MTF2: variants seen among roughly 807,000 people sequenced by gnomAD.
The protein encoded by MTF2 is metal response element binding transcription factor 2, also known as metal-response element-binding transcription factor 2.
In MTF2, 11 loss-of-function variants were observed where a neutral mutation model predicts 79.5. The ratio of observed to expected loss-of-function variants is 0.14; its 90% CI spans 0.09 to 0.23. The LOEUF is 0.23. MTF2 is among the 10% of genes least tolerant of loss of function. The pLI, the probability that MTF2 is intolerant of heterozygous loss-of-function variation, is 1.00. For missense variants in MTF2, 486 were observed against 711.2 expected (o/e 0.68, Z 3.60); for synonymous variants, 208 against 232.8 (o/e 0.89, Z 0.97).
At chr1:93,090,987 C>T (rs759794866) in intron 1 of MTF2, among the ~76,000 whole-genome samples, 38 of 151,952 alleles carry the variant, frequency 2.5e-4, no homozygotes, top group Non-Finnish European at 5.1e-4. Flanking sequence ...TTAACAACTT[C>T]TCCATTTTTG....
Position 93,119,341 on chromosome 1 carries a change from C to T in MTF2, c.737C>T (p.Thr246Met), listed in dbSNP as rs368305569. The change falls in exon 8 of 15, where the codon ACG becomes ATG. Residue 246 changes from threonine to methionine, a missense_variant. This residue lies in a region of MTF2 where 177 missense variants were observed against 364.0 expected (regional missense o/e 0.49). Coordinates refer to ENST00000370298, the MANE Select transcript of MTF2 (RefSeq NM_007358.4). The stretch of plus-strand genomic sequence containing the variant: ...TTTTTTTTTTTTCTTAGATTTTATA[C>T]GTTTATATGCTCTGTCTGCAGTTCT... Reference protein sequence around the residue: ...KPMLFGDRFYTFICSVCSSGP... With the variant: ...KPMLFGDRFYMFICSVCSSGP... 8.7e-5 allele frequency: 133 copies of T among 1,537,090 alleles called. No homozygotes were observed. The highest frequency in any genetic ancestry group is 1.9e-4 in the Middle Eastern group (1 of 5,384).
chr1:93,136,232 A>G (rs556816539), intron 14 of MTF2, among the ~76,000 whole-genome samples: 1 of 152,298 alleles, frequency 6.6e-6, no homozygotes, highest in South Asian at 2.1e-4. Context: ...TAATAAGAGA[A>G]CCTCTATTCT....
chr1:93,110,422 C>T lies in MTF2; in HGVS notation c.198C>T (p.Ile66=), dbSNP rs777549539. ...ATGGCTTGTTTTATCTTGGCACTAT[C>T]AAAAAGGCAAGTTACTTTAATGTAT... ...WSDGLFYLGT[I]KKINILKQSC... The change falls in exon 2 of 15, where the codon ATC becomes ATT. Residue 66 remains isoleucine, a synonymous_variant. Coordinates refer to ENST00000370298, the MANE Select transcript of MTF2 (RefSeq NM_007358.4). 1 of 1,613,888 alleles carries T rather than the reference C, an allele frequency of 6.2e-7. No homozygotes were observed.
intron 1 of MTF2, among the ~76,000 whole-genome samples, chr1:93,087,698 C>T (rs1654905059): frequency 6.6e-6 from 1 of 152,178 alleles, no homozygotes; most frequent in African/African-American, 2.4e-5. Context: ...TTGGCCTTCC[C>T]CACTGTATGT....
At chr1:93,092,998 C>T (rs1023996124) in intron 1 of MTF2, among the ~76,000 whole-genome samples, 8 of 151,852 alleles carry the variant, frequency 5.3e-5, no homozygotes, top group East Asian at 3.9e-4. Context: ...CTGGTTTGCA[C>T]GGTGAAATCC....
chr1:93,120,308 A>G, intron 8 of MTF2: 1 of 241,948 alleles, frequency 4.1e-6, no homozygotes, highest in Non-Finnish European at 7.7e-6. Context: ...CAAGAAAAAA[A>G]AAAAAAAAAA....
intron 11 of MTF2, among the ~76,000 whole-genome samples, chr1:93,132,124 T>C (rs544790431): frequency 6.6e-6 from 1 of 152,282 alleles, no homozygotes; most frequent in East Asian, 1.9e-4. Context: ...CTGAGAGGCT[T>C]GTACAGAGAG....
chr1:93,125,996 G>T (rs916051595), intron 9 of MTF2, among the ~76,000 whole-genome samples: 6 of 151,990 alleles, frequency 3.9e-5, no homozygotes, highest in Non-Finnish European at 7.4e-5. Context: ...TGCAATATTG[G>T]TGGAAGGCTG....
At chr1:93,117,414 T>C (rs1395834823) in intron 6 of MTF2, among the ~76,000 whole-genome samples, 2 of 152,098 alleles carry the variant, frequency 1.3e-5, no homozygotes, top group Admixed American at 6.6e-5. Flanking sequence ...AGAGAAGATA[T>C]ATTTCTTAGA....
In MTF2 at chr1:93,088,766, C is replaced by T. The variant is rs1455011438; in HGVS notation, c.5+9235C>T. The stretch of plus-strand genomic sequence containing the variant: ...TTTTTTGGTAGAGATGGTGTTTCAC[C>T]ACGTTGGCCAGGCTGGTATGGAACT... On this transcript the variant is annotated intron_variant, in intron 1 of 14. Transcript: ENST00000370298. Among the ~76,000 whole-genome samples the T allele has an allele frequency of 5.3e-5, 8 of 152,022 alleles. No homozygotes were observed. In the East Asian group the frequency reaches 1.5e-3, roughly 29 times the overall value.
chr1:93,113,905 G>T (rs904739958), intron 3 of MTF2, among the ~76,000 whole-genome samples: 3 of 152,050 alleles, frequency 2.0e-5, no homozygotes, highest in Admixed American at 1.3e-4. Flanking sequence ...GTATATAAAG[G>T]CTGTGTATTG....
rs568910166 is a variant in MTF2, at chr1:93,079,372, T to A, written c.-155T>A. On this transcript the variant is annotated 5_prime_UTR_variant, in exon 1 of 15. In the 5' UTR this introduces an upstream ATG that the reference lacks. Transcript: ENST00000370298. Reference sequence around the variant, plus strand: ...AGAACGCTCATTCTACCCCCAACCCTTGTCTCCAAGGACCTCGGTTTGTGC... The same window carrying A: ...AGAACGCTCATTCTACCCCCAACCCATGTCTCCAAGGACCTCGGTTTGTGC... The A allele has an allele frequency of 1.0e-5, 9 of 871,672 alleles. No homozygotes were observed. The South Asian group carries it at 1.3e-4, about 13-fold the overall frequency. 54.0% of individuals were successfully genotyped at this position (871,672 alleles called of 1,614,324 possible).
At chr1:93,121,320 A>C in intron 9 of MTF2, 5 of 848,984 alleles carry the variant, frequency 5.9e-6, no homozygotes, top group Non-Finnish European at 7.1e-6. Flanking sequence ...AAGTAACTAG[A>C]ATAAGTTTAA....
At chr1:93,133,877 T>C (rs1398039297) in intron 12 of MTF2, 51 bp from the exon 13 acceptor site, 1 of 1,534,252 alleles carries the variant, frequency 6.5e-7, no homozygotes, top group African/African-American at 1.4e-5. Context: ...GCTAGTATTT[T>C]TTTCAGCTTA....
chr1:93,091,409 A>G (rs957525067), intron 1 of MTF2, among the ~76,000 whole-genome samples: 10 of 152,184 alleles, frequency 6.6e-5, no homozygotes, highest in Non-Finnish European at 1.5e-4. Context: ...TGCCCAGACT[A>G]GTTTTCTAAC....
At chr1:93,126,714 A>G (rs1656711394) in intron 9 of MTF2, among the ~76,000 whole-genome samples, 1 of 152,078 alleles carries the variant, frequency 6.6e-6, no homozygotes, top group South Asian at 2.1e-4. Flanking sequence ...AATTGTTATG[A>G]AAAGATCTCT....
chr1:93,136,667 TA>T lies in MTF2; in HGVS notation c.1425-2del. 4.3e-6 allele frequency: 7 copies of T among 1,610,508 alleles called. No homozygotes were observed. The highest frequency in any genetic ancestry group is 5.9e-6 in the Non-Finnish European group (7 of 1,178,436). On this transcript the variant is annotated splice_acceptor_variant, in intron 14 of 14. Transcript: ENST00000370298. LOFTEE classifies it high-confidence loss of function. ...GACAATTCTGGCCTTCTCTGTTACA[TA>T]GATTATCTGACTCCAGAAAAAGAAC...
At chr1:93,123,767 C>CA (rs1243218360) in intron 9 of MTF2, among the ~76,000 whole-genome samples, 3 of 148,000 alleles carry the variant, frequency 2.0e-5, no homozygotes, top group Admixed American at 1.3e-4. Flanking sequence ...TGTGTCCCCC[C>CA]CCCCTTTTTT....
intron 9 of MTF2, among the ~76,000 whole-genome samples, chr1:93,123,257 T>C (rs1656560025): frequency 6.8e-6 from 1 of 147,080 alleles, no homozygotes; most frequent in African/African-American, 2.5e-5. Context: ...AGAGTCTCTC[T>C]CTCTCTTTTT....
Sources: allele counts gnomAD v4.1 joint callset (sites outside exome capture counted in the v4.1 genomes callset), GRCh38; gene constraint gnomAD v4.1.1; regional missense constraint gnomAD v4.1.1; transcripts MANE v1.5; gene names NCBI Gene and HGNC (gene_info 2026-07-23, HGNC 2026-07-21).